IL1RAPL2: variants seen among roughly 807,000 people sequenced by gnomAD.
IL1RAPL2 encodes X-linked interleukin-1 receptor accessory protein-like 2.
In IL1RAPL2, 3 loss-of-function variants were observed where a neutral mutation model predicts 44.1. The observed-to-expected ratio is 0.07, with a 90% CI of 0.03 to 0.18. The LOEUF is 0.18. IL1RAPL2 is among the 10% of genes least tolerant of loss of function. The probability of loss-of-function intolerance (pLI) is 1.00; values close to 1 mark genes in which losing one functional copy is unlikely to be tolerated. For synonymous variants in IL1RAPL2, 181 were observed against 178.8 expected (o/e 1.01, Z -0.10); for missense variants, 391 against 496.4 (o/e 0.79, Z 2.02).
At chrX:105,458,160 G>A (rs943315663) in intron 5 of IL1RAPL2, among the ~76,000 whole-genome samples, 1 of 110,934 alleles carries the variant, frequency 9.0e-6, no homozygotes, top group African/African-American at 3.3e-5. Flanking sequence ...CCCATCTCTT[G>A]AATTGGGTTG....
At chrX:105,293,223 A>G (rs1381619450) in intron 5 of IL1RAPL2, among the ~76,000 whole-genome samples, 3 of 110,095 alleles carry the variant, frequency 2.7e-5, no homozygotes, top group South Asian at 3.8e-4. Context: ...CTATCATTCT[A>G]TTTGTGTTTA....
At chrX:105,007,933 T>C (rs2030971058) in intron 2 of IL1RAPL2, among the ~76,000 whole-genome samples, 1 of 114,758 alleles carries the variant, frequency 8.7e-6, no homozygotes, top group Non-Finnish European at 1.9e-5. Flanking sequence ...AAATTCAGAA[T>C]CGTTTTAGCA....
At chrX:105,479,567 C>T (rs1010094518) in intron 5 of IL1RAPL2, among the ~76,000 whole-genome samples, 10 of 108,615 alleles carry the variant, frequency 9.2e-5, no homozygotes, top group Non-Finnish European at 1.7e-4. Flanking sequence ...TGGAGAAACC[C>T]TGTCTCTACT....
intron 5 of IL1RAPL2, among the ~76,000 whole-genome samples, chrX:105,293,172 C>G (rs1471618018): frequency 9.3e-6 from 1 of 107,292 alleles, no homozygotes; most frequent in Non-Finnish European, 1.9e-5. Context: ...TGTTGGCCAA[C>G]TGCTGATATA....
At chrX:105,281,523 G>C (rs1319704316) in intron 5 of IL1RAPL2, among the ~76,000 whole-genome samples, 2 of 112,235 alleles carry the variant, frequency 1.8e-5, no homozygotes, top group Non-Finnish European at 3.8e-5. Context: ...GTCAATGATG[G>C]ACTGTATATA....
At chrX:105,234,816 A>G in intron 4 of IL1RAPL2, among the ~76,000 whole-genome samples, 1 of 93,142 alleles carries the variant, frequency 1.1e-5, no homozygotes, top group East Asian at 2.9e-4. Flanking sequence ...TAAAAAAAAA[A>G]AAAAAAAGAA....
chrX:105,636,343 T>TAA (rs2037523149), intron 6 of IL1RAPL2, among the ~76,000 whole-genome samples: 1 of 111,492 alleles, frequency 9.0e-6, no homozygotes, highest in Non-Finnish European at 1.9e-5. Context: ...CTGTTACTCA[T>TAA]AAAAATATAA....
chrX:105,604,169 TAAAC>T (rs2037275106), intron 6 of IL1RAPL2, among the ~76,000 whole-genome samples: 1 of 109,050 alleles, frequency 9.2e-6, no homozygotes, highest in African/African-American at 3.3e-5. Context: ...AGAACAGAAA[TAAAC>T]AAAATAGATA....
At chrX:105,512,164 A>G (rs994832940) in intron 6 of IL1RAPL2, among the ~76,000 whole-genome samples, 1 of 111,248 alleles carries the variant, frequency 9.0e-6, no homozygotes, top group African/African-American at 3.3e-5. Flanking sequence ...GATTATTAAT[A>G]TGTTCCAATT....
chrX:104,582,768 T>TTTTTTCTTTCTCTCTCTCTTTCTTTC (rs1569487632), intron 1 of IL1RAPL2, among the ~76,000 whole-genome samples: 4 of 98,148 alleles, frequency 4.1e-5, no homozygotes, highest in African/African-American at 1.7e-4. Flanking sequence ...TTCTTTCTTT[T>TTTTTTCTTTCTCTCTCTCTTTCTTTC]TTCTTTCTCT....
intron 2 of IL1RAPL2, among the ~76,000 whole-genome samples, chrX:104,712,224 G>A (rs1365676399): frequency 9.1e-6 from 1 of 110,497 alleles, no homozygotes; most frequent in Non-Finnish European, 1.9e-5. Flanking sequence ...CTTTTCCCTG[G>A]AGCAGTCTGC....
intron 2 of IL1RAPL2, among the ~76,000 whole-genome samples, chrX:104,894,384 A>T (rs1160065863): frequency 8.9e-6 from 1 of 111,870 alleles, no homozygotes; most frequent in Non-Finnish European, 1.9e-5. Context: ...AGTATTTTTC[A>T]ACTTGGTTCC....
chrX:104,903,126 T>C (rs1923866679), intron 2 of IL1RAPL2, among the ~76,000 whole-genome samples: 2 of 111,912 alleles, frequency 1.8e-5, no homozygotes, highest in African/African-American at 6.5e-5. Context: ...GCCAAAACCT[T>C]TTTATTCCAC....
intron 1 of IL1RAPL2, among the ~76,000 whole-genome samples, chrX:104,597,099 T>G (rs768747359): frequency 9.0e-6 from 1 of 111,151 alleles, no homozygotes; most frequent in East Asian, 2.9e-4. Context: ...ATCCTAGCAC[T>G]TTTGGAGGCT....
chrX:105,653,403 T>C (rs2037654856), intron 6 of IL1RAPL2, among the ~76,000 whole-genome samples: 1 of 111,494 alleles, frequency 9.0e-6, no homozygotes, highest in Admixed American at 9.5e-5. Context: ...TGAAACTCAA[T>C]TAGTGTAAGA....
chrX:105,536,425 T>TTAA (rs746993605), intron 6 of IL1RAPL2, among the ~76,000 whole-genome samples: 2 of 92,149 alleles, frequency 2.2e-5, no homozygotes, highest in Non-Finnish European at 4.3e-5. Context: ...TTTTATATGG[T>TTAA]AAAAAAAAAA....
At chrX:104,690,437 C>T (rs1172888593) in intron 2 of IL1RAPL2, among the ~76,000 whole-genome samples, 1 of 112,217 alleles carries the variant, frequency 8.9e-6, no homozygotes. Flanking sequence ...ATACTTCAAA[C>T]AGGACAATGC....
chrX:104,719,297 A>AT (rs1191054523), intron 2 of IL1RAPL2, among the ~76,000 whole-genome samples: 1 of 112,136 alleles, frequency 8.9e-6, no homozygotes, highest in Non-Finnish European at 1.9e-5. Flanking sequence ...GGTTCATGCT[A>AT]TACAAAAGTT....
At chrX:105,557,586 C>A (rs1353737986) in intron 6 of IL1RAPL2, among the ~76,000 whole-genome samples, 1 of 111,192 alleles carries the variant, frequency 9.0e-6, no homozygotes, top group Non-Finnish European at 1.9e-5. Context: ...TCATGCAATT[C>A]ACTTTCCTTG....
Sources: allele counts gnomAD v4.1 joint callset (sites outside exome capture counted in the v4.1 genomes callset), GRCh38; gene constraint gnomAD v4.1.1; transcripts MANE v1.5; gene names NCBI Gene and HGNC (gene_info 2026-07-23, HGNC 2026-07-21).